Variants in LIMCH1 observed in about 807,000 individuals in gnomAD.
The protein encoded by LIMCH1 is LIM and calponin homology domains-containing protein 1.
A neutral mutation model predicts 176.5 loss-of-function variants in LIMCH1; 113 were observed. That is an observed-to-expected ratio of 0.64 (90% CI 0.55 to 0.75). The LOEUF is 0.75. Ranked by LOEUF, LIMCH1 falls within the 30% of genes least tolerant of loss-of-function variation. The probability of loss-of-function intolerance (pLI) is 0.00; values close to 1 mark genes in which losing one functional copy is unlikely to be tolerated. For synonymous variants in LIMCH1, 619 were observed against 645.9 expected, an observed-to-expected ratio of 0.96 and a Z score of 0.63; for missense variants, 1,674 against 1,814.9, an observed-to-expected ratio of 0.92 and a Z score of 1.41.
chr4:41,627,314 T>A (rs2093032281), intron 8 of LIMCH1, among the ~76,000 whole-genome samples: 1 of 151,308 alleles, frequency 6.6e-6, no homozygotes, highest in African/African-American at 2.4e-5. Context: ...CATCACCACA[T>A]ATGGGTGCTG....
intron 1 of LIMCH1, among the ~76,000 whole-genome samples, chr4:41,453,901 T>C (rs1034945020): frequency 7.9e-5 from 12 of 152,178 alleles, no homozygotes; most frequent in Admixed American, 3.3e-4. Flanking sequence ...AGTCTTTCTT[T>C]TTCCACGCTT....
intron 2 of LIMCH1, among the ~76,000 whole-genome samples, chr4:41,497,801 G>A (rs377070320): frequency 0.024 from 2,612 of 109,084 alleles, 49 homozygotes; most frequent in Non-Finnish European, 0.031. Context: ...GCGAAACTTC[G>A]TCTCAAAAAA....
intron 1 of LIMCH1, among the ~76,000 whole-genome samples, chr4:41,434,717 A>G (rs1455220178): frequency 3.3e-5 from 5 of 152,232 alleles, no homozygotes; most frequent in Admixed American, 6.5e-5. Flanking sequence ...GGGTTTTGCT[A>G]TGTTGGCCAG....
At chr4:41,375,928 A>G (rs1406716573) in intron 1 of LIMCH1, among the ~76,000 whole-genome samples, 2 of 152,228 alleles carry the variant, frequency 1.3e-5, no homozygotes, top group Non-Finnish European at 2.9e-5. Context: ...GGGGATAGTG[A>G]TGATTCCAAT....
Position 41,698,314 on chromosome 4 carries a change from T to A in LIMCH1, c.*1129T>A, listed in dbSNP as rs1470961131. On this transcript the variant is annotated 3_prime_UTR_variant, in exon 32 of 32. Coordinates refer to ENST00000503057, the MANE Select transcript of LIMCH1 (RefSeq NM_001330672.2). ...CCTGCCCACTTCAATGAATACCTAC[T>A]CTCCTCCATTCTCCATCACTTTTTT... 3 of 152,272 alleles carry A rather than the reference T, an allele frequency of 2.0e-5. No homozygotes were observed. Among genetic ancestry groups the A allele is most frequent in the African/African-American group, 7.2e-5 (3 of 41,472 alleles). 9.4% of individuals were successfully genotyped at this position (152,272 alleles called of 1,614,324 possible). A position where few individuals can be genotyped will look rare whatever the true frequency, so the allele number is the denominator to read the frequency against.
chr4:41,458,526 C>T (rs980018839), intron 1 of LIMCH1, among the ~76,000 whole-genome samples: 8 of 151,968 alleles, frequency 5.3e-5, no homozygotes, highest in Non-Finnish European at 7.4e-5. Flanking sequence ...CCTGTAATGC[C>T]AGCACTTTGG....
chr4:41,627,727 A>T (rs1241742318), intron 8 of LIMCH1, among the ~76,000 whole-genome samples: 1 of 152,184 alleles, frequency 6.6e-6, no homozygotes, highest in Non-Finnish European at 1.5e-5. Flanking sequence ...TGAGAGGGAG[A>T]TATGATTTCA....
chr4:41,554,622 T>G (rs2080990697), intron 1 of LIMCH1, among the ~76,000 whole-genome samples: 1 of 152,172 alleles, frequency 6.6e-6, no homozygotes, highest in Non-Finnish European at 1.5e-5. Flanking sequence ...AGCAGATGAA[T>G]TGCACAGTTG....
At chr4:41,530,740 A>AGCC (rs1168806358) in intron 3 of LIMCH1, among the ~76,000 whole-genome samples, 1 of 133,910 alleles carries the variant, frequency 7.5e-6, no homozygotes. Flanking sequence ...CCAGGCAGTG[A>AGCC]GCCGAGATTG....
intron 1 of LIMCH1, among the ~76,000 whole-genome samples, chr4:41,373,268 A>G (rs954270065): frequency 6.6e-6 from 1 of 152,234 alleles, no homozygotes; most frequent in Non-Finnish European, 1.5e-5. Context: ...TGTTCTAGGC[A>G]AACACTTCAG....
At chr4:41,635,243 T>G (rs1373125757) in intron 13 of LIMCH1, among the ~76,000 whole-genome samples, 1 of 152,020 alleles carries the variant, frequency 6.6e-6, no homozygotes, top group African/African-American at 2.4e-5. Context: ...TCACTTTTTT[T>G]TTTTTTTTGA....
intron 21 of LIMCH1, among the ~76,000 whole-genome samples, chr4:41,669,979 C>G (rs922597112): frequency 2.0e-5 from 3 of 152,124 alleles, no homozygotes; most frequent in Non-Finnish European, 4.4e-5. Flanking sequence ...GCTGATCGAC[C>G]CTAATGATGT....
chr4:41,653,921 G>T (rs2094387324), intron 18 of LIMCH1, among the ~76,000 whole-genome samples: 1 of 152,214 alleles, frequency 6.6e-6, no homozygotes, highest in Admixed American at 6.5e-5. Flanking sequence ...ATAATTCCCA[G>T]TCATCTTCAG....
In LIMCH1 at chr4:41,613,571, A is replaced by G. The variant is rs762178728; in HGVS notation, c.115A>G (p.Arg39Gly). 6 of 1,614,034 alleles carry G rather than the reference A, an allele frequency of 3.7e-6. No individual in the cohort carries two copies. The highest frequency in any genetic ancestry group is 5.1e-6 in the Non-Finnish European group (6 of 1,179,934). ...SDSLSPPRHG[R>G]DDSFDSLDSF... ...CTCCCTCTCTCCTCCTCGCCACGGC[A>G]GAGATGATTCCTTCGACAGCCTGGA... The change falls in exon 5 of 32, where the codon AGA (arginine) becomes GGA (glycine). Residue 39 changes from arginine (R) to glycine (G), a missense_variant. Around this residue, in one of 3 missense-constraint regions of LIMCH1, gnomAD observed 655 missense variants for 692.2 expected, o/e 0.95. Transcript: ENST00000503057.
intron 1 of LIMCH1, among the ~76,000 whole-genome samples, chr4:41,558,186 G>A (rs370559591): frequency 3.3e-5 from 5 of 151,882 alleles, no homozygotes; most frequent in Non-Finnish European, 4.4e-5. Context: ...TGACACTTTG[G>A]TGACAACTCT....
chr4:41,374,566 ATT>A lies in LIMCH1; in HGVS notation c.96+13640_96+13641del, dbSNP rs5857794. 4.9e-3 allele frequency among the ~76,000 whole-genome samples: 730 copies of A among 149,184 alleles called. 14 individuals are homozygous for A. Among genetic ancestry groups the A allele is most frequent in the African/African-American group, 0.017 (701 of 40,936 alleles). Reference sequence around the variant, plus strand: ...TGTGTTTAATAATTTTTTTCATTCAATTTTTTTTTTTGTTTTAGTTAGCATTC... The same window carrying A: ...TGTGTTTAATAATTTTTTTCATTCAATTTTTTTTTGTTTTAGTTAGCATTC... On this transcript the variant is annotated intron_variant, in intron 1 of 26. Transcript: ENST00000313860.
At chr4:41,652,049 G>A (rs2094318875) in intron 18 of LIMCH1, among the ~76,000 whole-genome samples, 1 of 152,066 alleles carries the variant, frequency 6.6e-6, no homozygotes, top group African/African-American at 2.4e-5. Context: ...TATAGCATTT[G>A]GGTTTATATT....
chr4:41,664,784 C>A (rs1302267114), intron 20 of LIMCH1, among the ~76,000 whole-genome samples: 1 of 152,206 alleles, frequency 6.6e-6, no homozygotes, highest in Non-Finnish European at 1.5e-5. Flanking sequence ...CAGAGTCACA[C>A]CTGCCCTACT....
intron 1 of LIMCH1, among the ~76,000 whole-genome samples, chr4:41,598,528 T>TAA (rs540403661): frequency 6.7e-6 from 1 of 149,260 alleles, no homozygotes; most frequent in African/African-American, 2.5e-5. Flanking sequence ...AAAACCTTTT[T>TAA]AAAAAAAAAA....
Sources: gnomAD v4.1 joint callset for allele counts (sites outside exome capture counted in the v4.1 genomes callset) on GRCh38, gnomAD v4.1.1 for gene constraint, gnomAD v4.1.1 regional missense constraint, MANE v1.5 for transcripts, NCBI Gene and HGNC (gene_info 2026-07-23, HGNC 2026-07-21) for gene names.